PTPN6: variants seen among roughly 807,000 people sequenced by gnomAD.
PTPN6 encodes protein tyrosine phosphatase non-receptor type 6.
A neutral mutation model predicts 81.5 loss-of-function variants in PTPN6; 18 were observed. That is an observed-to-expected ratio of 0.22 (90% confidence interval 0.15 to 0.33). The LOEUF (loss-of-function observed/expected upper bound fraction) is 0.33. Among genes scored for constraint, PTPN6 ranks in the 10% least tolerant of loss-of-function variants. The pLI is 1.00. For synonymous variants in PTPN6, 301 were observed against 310.9 expected (o/e 0.97, Z 0.33); for missense variants, 500 against 794.2 (o/e 0.63, Z 4.45).
At chr12:6,946,865 CG>C (rs1456429602), upstream of PTPN6, 1 of 1,101,290 alleles carries the variant, frequency 9.1e-7, no homozygotes, top group Non-Finnish European at 1.4e-6. Flanking sequence ...CGCCTGTTTC[CG>C]GTCCCTATGA....
chr12:6,958,173 T>G, intron 11 of PTPN6, 100 bp downstream of exon 11: 1 of 1,489,188 alleles, frequency 6.7e-7, no homozygotes, highest in Non-Finnish European at 9.1e-7. Context: ...GCTCGCACAT[T>G]GAGTGCCCTC....
In PTPN6 at chr12:6,957,202, G is replaced by A. The variant is rs1946046945; in HGVS notation, c.1075-452G>A. Among the ~76,000 whole-genome samples the A allele has an allele frequency of 6.6e-6, 1 of 152,218 alleles. No homozygotes were observed. Among genetic ancestry groups the A allele is most frequent in the Admixed American group, 6.5e-5 (1 of 15,288 alleles). ...GCCTGGCAGATGCCTCGTTTTTGAA[G>A]ACACAGCCGGAGCGCTGCCTCCTCT... is the stretch of plus-strand genomic sequence containing the variant. On this transcript the variant is annotated intron_variant, in intron 9 of 15. Coordinates refer to ENST00000318974, the MANE Select transcript of PTPN6 (RefSeq NM_002831.6). The surrounding 1 kb of genome is among the most constrained non-coding windows in gnomAD (Gnocchi z 6.5).
In PTPN6 at chr12:6,956,528, G is replaced by A. The variant is rs1470957233; in HGVS notation, c.1034G>A (p.Arg345His). The A allele has an allele frequency of 8.1e-6, 13 of 1,613,822 alleles. No individual in the cohort carries two copies. The highest frequency in any genetic ancestry group is 1.6e-4 in the Middle Eastern group (1 of 6,082). Reference sequence around the variant, plus strand: ...CAGATGGCGTGGCAGGAGAACAGCCGTGTCATCGTCATGACCACCCGAGAG... The same window carrying A: ...CAGATGGCGTGGCAGGAGAACAGCCATGTCATCGTCATGACCACCCGAGAG... ...FWQMAWQENS[R>H]VIVMTTREVE... Residue 345 changes from arginine (R) to histidine (H), a missense_variant, in exon 9 of 16, where the codon CGT becomes CAT. Physicochemically the swap from Arg to His is conservative, Grantham distance 29 (BLOSUM62 0). This residue lies in a region of PTPN6 where 226 missense variants were observed against 364.4 expected (regional missense o/e 0.62). Transcript: ENST00000318974. This position sits in a 1 kb window ranked among gnomAD's most constrained non-coding sequence, Gnocchi z 4.1.
In PTPN6 at chr12:6,957,233, T is replaced by C. The variant is rs1399681603; in HGVS notation, c.1075-421T>C. 6.6e-6 allele frequency among the ~76,000 whole-genome samples: 1 copy of C among 152,238 alleles called. No individual in the cohort carries two copies. The highest frequency in any genetic ancestry group is 1.5e-5 in the Non-Finnish European group (1 of 68,038). Reference sequence around the variant, plus strand: ...GCCGGAGCGCTGCCTCCTCTGTGAATCCAGGTCTTGTTTCCTCCAGGACCT... The same window carrying C: ...GCCGGAGCGCTGCCTCCTCTGTGAACCCAGGTCTTGTTTCCTCCAGGACCT... On this transcript the variant is annotated intron_variant, in intron 9 of 15. Transcript: ENST00000318974. This position sits in a 1 kb window ranked among gnomAD's most constrained non-coding sequence, Gnocchi z 6.5.
chr12:6,952,481 G>A lies in PTPN6; in HGVS notation c.326+304G>A. ...GGAGACAGGGAGGCCACTGCTGGTG[G>A]CCAGCATGTCGTGCAGGCCAGCTCT... On this transcript the variant is annotated intron_variant, in intron 3 of 15. Coordinates refer to ENST00000318974, the MANE Select transcript of PTPN6 (RefSeq NM_002831.6). This position sits in a 1 kb window ranked among gnomAD's most constrained non-coding sequence, Gnocchi z 8.1. The A allele has an allele frequency of 2.0e-6, 1 of 497,786 alleles. No individual in the cohort carries two copies. Among genetic ancestry groups the A allele is most frequent in the Non-Finnish European group, 3.7e-6 (1 of 271,788 alleles). 30.8% of individuals were successfully genotyped at this position (497,786 alleles called of 1,614,324 possible). A position where few individuals can be genotyped will look rare whatever the true frequency, so the allele number is the denominator to read the frequency against.
Position 6,959,864 on chromosome 12 carries a change from TG to T in PTPN6, c.1362-60del. On this transcript the variant is annotated intron_variant, in intron 11 of 15. Coordinates refer to ENST00000318974, the MANE Select transcript of PTPN6 (RefSeq NM_002831.6). This position sits in a 1 kb window ranked among gnomAD's most constrained non-coding sequence, Gnocchi z 6.6. The stretch of plus-strand genomic sequence containing the variant: ...GGTGCCTGGGGCTGGAGCTGAGCGC[TG>T]GGTACCCCCCTTCCCGGGGAGGGCT... The T allele has an allele frequency of 6.4e-7, 1 of 1,572,220 alleles. No individual in the cohort carries two copies.
In PTPN6 at chr12:6,952,273, C is replaced by T; in HGVS notation, c.326+96C>T. 6.8e-7 allele frequency: 1 copy of T among 1,462,066 alleles called. No individual in the cohort carries two copies. Among genetic ancestry groups the T allele is most frequent in the African/African-American group, 1.4e-5 (1 of 71,902 alleles). The allele number at this position is 1,462,066 out of a possible 1,614,324, so 90.6% of individuals were successfully genotyped here. The stretch of plus-strand genomic sequence containing the variant: ...CAGGGAGACTGGCAGCCGGCGCTGC[C>T]TACCCTCCATCCCCTCCCCTCCCTG... On this transcript the variant is annotated intron_variant, in intron 3 of 15. Transcript: ENST00000318974. This position sits in a 1 kb window ranked among gnomAD's most constrained non-coding sequence, Gnocchi z 8.1.
In PTPN6 at chr12:6,957,506, G is replaced by C. The variant is rs1946052019; in HGVS notation, c.1075-148G>C. 1.9e-6 allele frequency: 2 copies of C among 1,071,812 alleles called. No homozygotes were observed. The highest frequency in any genetic ancestry group is 1.6e-5 in the African/African-American group (1 of 63,942). 66.4% of individuals were successfully genotyped at this position (1,071,812 alleles called of 1,614,324 possible). A position where few individuals can be genotyped will look rare whatever the true frequency, so the allele number is the denominator to read the frequency against. Reference sequence around the variant, plus strand: ...TGTTGGTGGTTGATCTGAGACGAGAGCCCAGGTCTCCTGCCTCTCTGCCAG... The same window carrying C: ...TGTTGGTGGTTGATCTGAGACGAGACCCCAGGTCTCCTGCCTCTCTGCCAG... On this transcript the variant is annotated intron_variant, in intron 9 of 15. Transcript: ENST00000318974. The surrounding 1 kb of genome is among the most constrained non-coding windows in gnomAD (Gnocchi z 6.5).
rs782729717 is a variant in PTPN6, at chr12:6,960,081, C to G, written c.1430-7C>G. On this transcript the variant is annotated splice_polypyrimidine_tract_variant and splice_region_variant and intron_variant, in intron 12 of 15. Transcript: ENST00000318974. The surrounding 1 kb of genome is among the most constrained non-coding windows in gnomAD (Gnocchi z 6.1). ...CTGGACCTGAGGTTTGACTGCCCCC[C>G]ACCCAGGCCTGGACTGTGACATTGA... 1.9e-6 allele frequency: 3 copies of G among 1,613,596 alleles called. No homozygotes were observed. Among genetic ancestry groups the G allele is most frequent in the Non-Finnish European group, 2.5e-6 (3 of 1,180,000 alleles).
At position 6,960,737 on chromosome 12, in the gene PTPN6, C is replaced by T. The variant is rs782743058; in HGVS notation, c.1674-69C>T. On this transcript the variant is annotated intron_variant, in intron 14 of 15. Coordinates refer to ENST00000318974, the MANE Select transcript of PTPN6 (RefSeq NM_002831.6). The surrounding 1 kb of genome is among the most constrained non-coding windows in gnomAD (Gnocchi z 6.1). Reference sequence around the variant, plus strand: ...GGTGGCCAGAGGGGACTGCCAGTGCCGGGTCCCCCTGTGCTGTCTCCTGAC... The same window carrying T: ...GGTGGCCAGAGGGGACTGCCAGTGCTGGGTCCCCCTGTGCTGTCTCCTGAC... 17 of 1,551,584 alleles carry T rather than the reference C, an allele frequency of 1.1e-5. No homozygotes were observed. The highest frequency in any genetic ancestry group is 2.4e-5 in the South Asian group (2 of 84,064).
chr12:6,954,551 G>C lies in PTPN6; in HGVS notation c.327-254G>C, dbSNP rs79640588. 0.021 allele frequency among the ~76,000 whole-genome samples: 3,199 copies of C among 152,312 alleles called. 111 individuals are homozygous for C. The highest frequency in any genetic ancestry group is 0.073 in the African/African-American group (3,013 of 41,556). On this transcript the variant is annotated intron_variant, in intron 3 of 15. Transcript: ENST00000318974. This position sits in a 1 kb window ranked among gnomAD's most constrained non-coding sequence, Gnocchi z 5.4. The stretch of plus-strand genomic sequence containing the variant: ...AACAGAGCTCTGGAAGCTTGCCCTA[G>C]AGTCAGTCAAGGGCCCTAGGCCAGT...
chr12:6,948,816 C>A (rs1207178210), upstream of PTPN6, among the ~76,000 whole-genome samples: 5 of 151,632 alleles, frequency 3.3e-5, no homozygotes, highest in African/African-American at 1.2e-4. Flanking sequence ...CAGTGGTGCG[C>A]ACCTGTGAGT....
rs782055407 is a variant in PTPN6 at position 6,959,146 on chromosome 12, G to A, written c.1362-781G>A. Among the ~76,000 whole-genome samples, 21 of 152,336 alleles carry A rather than the reference G, an allele frequency of 1.4e-4. No homozygotes were observed. The highest frequency in any genetic ancestry group is 3.1e-4 in the African/African-American group (13 of 41,590). On this transcript the variant is annotated intron_variant, in intron 11 of 15. Transcript: ENST00000318974. This position sits in a 1 kb window ranked among gnomAD's most constrained non-coding sequence, Gnocchi z 6.6. Reference sequence around the variant, plus strand: ...TGCCCCCGATGGGCTGTCCGGGGACGCGGCTCTGTCCTGTGCTCTCTCAGG... The same window carrying A: ...TGCCCCCGATGGGCTGTCCGGGGACACGGCTCTGTCCTGTGCTCTCTCAGG...
rs1373680216 is a variant in PTPN6 at position 6,961,268 on chromosome 12, G to T, written c.*168G>T. The stretch of plus-strand genomic sequence containing the variant: ...TGTATATAGCCCAGCCAGGCCCCAG[G>T]CAGGGCCAACCCTTCTCCTCTTGTA... On this transcript the variant is annotated 3_prime_UTR_variant, in exon 16 of 16. Coordinates refer to ENST00000318974, the MANE Select transcript of PTPN6 (RefSeq NM_002831.6). The T allele has an allele frequency of 2.8e-6, 1 of 359,624 alleles. No individual in the cohort carries two copies. The highest frequency in any genetic ancestry group is 5.4e-6 in the Non-Finnish European group (1 of 184,614). The allele number at this position is 359,624 out of a possible 1,614,324, so 22.3% of individuals were successfully genotyped here.
Position 6,960,332 on chromosome 12 carries a change from C to T in PTPN6, c.1582-12C>T, listed in dbSNP as rs1946114256. 5.0e-6 allele frequency: 8 copies of T among 1,612,924 alleles called. No individual in the cohort carries two copies. In the African/African-American group the frequency reaches 5.3e-5, roughly 11 times the overall value. ...TGGGACCACCACCTTCCCACTGTCC[C>T]TCTGCCCACAGTCGCAGAAGGGCCA... On this transcript the variant is annotated splice_polypyrimidine_tract_variant and intron_variant, in intron 13 of 15. Coordinates refer to ENST00000318974, the MANE Select transcript of PTPN6 (RefSeq NM_002831.6). This position sits in a 1 kb window ranked among gnomAD's most constrained non-coding sequence, Gnocchi z 6.1.
At position 6,960,324 on chromosome 12, in the gene PTPN6, C is replaced by G; in HGVS notation, c.1582-20C>G. ...GGCCCTGCTGGGACCACCACCTTCC[C>G]ACTGTCCCTCTGCCCACAGTCGCAG... On this transcript the variant is annotated intron_variant, in intron 13 of 15. Transcript: ENST00000318974. The surrounding 1 kb of genome is among the most constrained non-coding windows in gnomAD (Gnocchi z 6.1). 1.9e-6 allele frequency: 3 copies of G among 1,612,402 alleles called. No homozygotes were observed. Among genetic ancestry groups the G allele is most frequent in the Non-Finnish European group, 2.5e-6 (3 of 1,179,640 alleles).
chr12:6,950,787 C>G (rs1164832540), upstream of PTPN6, among the ~76,000 whole-genome samples: 2 of 152,180 alleles, frequency 1.3e-5, no homozygotes, highest in Non-Finnish European at 2.9e-5. Context: ...GCTTTGGAAC[C>G]GGACTGTCTG....
Position 6,956,573 on chromosome 12 carries a change from G to A in PTPN6, c.1074+5G>A. On this transcript the variant is annotated splice_donor_5th_base_variant and intron_variant, in intron 9 of 15. Transcript: ENST00000318974. The surrounding 1 kb of genome is among the most constrained non-coding windows in gnomAD (Gnocchi z 4.1). ...CGAGAGGTGGAGAAAGGCCGGGTAG[G>A]GCGCCCCCCCTTCCCCGCATCCGCC... is the stretch of plus-strand genomic sequence containing the variant. 3 of 1,613,322 alleles carry A rather than the reference G, an allele frequency of 1.9e-6. No homozygotes were observed. The South Asian group carries it at 3.3e-5, about 18-fold the overall frequency.
chr12:6,952,818 C>T lies in PTPN6; in HGVS notation c.326+641C>T, dbSNP rs1945951962. Reference sequence around the variant, plus strand: ...TTTCCTTCCTGTGGCCTCCCCGACTCCTCCTGTGGTCTCCCAAAGGCATGG... The same window carrying T: ...TTTCCTTCCTGTGGCCTCCCCGACTTCTCCTGTGGTCTCCCAAAGGCATGG... On this transcript the variant is annotated intron_variant, in intron 3 of 15. Transcript: ENST00000318974. This position sits in a 1 kb window ranked among gnomAD's most constrained non-coding sequence, Gnocchi z 8.1. 6.4e-6 allele frequency: 1 copy of T among 156,544 alleles called. No individual in the cohort carries two copies. Among genetic ancestry groups the T allele is most frequent in the South Asian group, 1.8e-4 (1 of 5,622 alleles). The allele number at this position is 156,544 out of a possible 1,614,324, so 9.7% of individuals were successfully genotyped here. A position where few individuals can be genotyped will look rare whatever the true frequency, so the allele number is the denominator to read the frequency against.
Sources: allele counts gnomAD v4.1 joint callset (sites outside exome capture counted in the v4.1 genomes callset), GRCh38; gene constraint gnomAD v4.1.1; regional missense constraint gnomAD v4.1.1; non-coding constraint Gnocchi (gnomAD v3.1); transcripts MANE v1.5; gene names NCBI Gene and HGNC (gene_info 2026-07-23, HGNC 2026-07-21).